STEAP1B: variants seen among roughly 807,000 people sequenced by gnomAD.
The protein encoded by STEAP1B is STEAP family protein MGC87042.
Under a neutral mutation model 27.9 loss-of-function variants are expected in STEAP1B, and 13 were observed. That is an observed-to-expected ratio of 0.47 (90% CI 0.30 to 0.74). The LOEUF (loss-of-function observed/expected upper bound fraction) is 0.74. STEAP1B is among the 30% of genes least tolerant of loss of function. The pLI, the probability that STEAP1B is intolerant of heterozygous loss-of-function variation, is 0.06. For synonymous variants in STEAP1B, 86 were observed against 107.1 expected (o/e 0.80, Z 1.22); for missense variants, 250 against 298.7 (o/e 0.84, Z 1.20).
intron 4 of STEAP1B, among the ~76,000 whole-genome samples, chr7:22,457,560 G>A (rs1176829875): frequency 1.3e-5 from 2 of 152,234 alleles, no homozygotes; most frequent in Non-Finnish European, 2.9e-5. Flanking sequence ...GGCTTCACTA[G>A]TGGGTCAGCC....
intron 4 of STEAP1B, among the ~76,000 whole-genome samples, chr7:22,473,922 C>T (rs1323674239): frequency 6.6e-6 from 1 of 152,136 alleles, no homozygotes; most frequent in East Asian, 1.9e-4. Flanking sequence ...TGACTAGTGC[C>T]CATCCCCGAG....
chr7:22,494,400 C>CA (rs1319303484), intron 2 of STEAP1B, among the ~76,000 whole-genome samples: 1 of 149,546 alleles, frequency 6.7e-6, no homozygotes, highest in Non-Finnish European at 1.5e-5. Flanking sequence ...TGCTTGCTTA[C>CA]AAAATTACTG....
At chr7:22,424,643 A>G (rs1785084022) in intron 4 of STEAP1B, among the ~76,000 whole-genome samples, 1 of 152,178 alleles carries the variant, frequency 6.6e-6, no homozygotes, top group Non-Finnish European at 1.5e-5. Flanking sequence ...AAATAATTCC[A>G]CTAGCTTAAG....
chr7:22,463,994 G>C (rs1785726679), intron 4 of STEAP1B, among the ~76,000 whole-genome samples: 1 of 151,868 alleles, frequency 6.6e-6, no homozygotes, highest in Non-Finnish European at 1.5e-5. Flanking sequence ...CACAGCAAAA[G>C]AAACTACCAT....
chr7:22,423,662 T>C lies in STEAP1B; in HGVS notation c.763-3826A>G, dbSNP rs529094479. The stretch of plus-strand genomic sequence containing the variant: ...ATGAGGTTTTTTTGGAAGGGGGTGA[T>C]AAAAATGTTTTAAAGTTAGATTGTG... On this transcript the variant is annotated intron_variant, in intron 4 of 4. Coordinates refer to ENST00000678116, the MANE Select transcript of STEAP1B (RefSeq NM_001382447.1). Among the ~76,000 whole-genome samples, 96 of 152,300 alleles carry C rather than the reference T, an allele frequency of 6.3e-4. 1 individual carries two copies. The highest frequency in any genetic ancestry group is 1.8e-3 in the African/African-American group (73 of 41,564).
chr7:22,430,078 G>A (rs1022540842), intron 4 of STEAP1B, among the ~76,000 whole-genome samples: 2 of 152,188 alleles, frequency 1.3e-5, no homozygotes, highest in African/African-American at 4.8e-5. Flanking sequence ...TTCTTAAACT[G>A]GTTGTGGATA....
At chr7:22,491,763 G>T (rs1429580407) in intron 4 of STEAP1B, among the ~76,000 whole-genome samples, 1 of 152,050 alleles carries the variant, frequency 6.6e-6, no homozygotes, top group Non-Finnish European at 1.5e-5. Flanking sequence ...AAGGACTAAG[G>T]ACTTACCTTT....
At chr7:22,441,085 A>G in intron 4 of STEAP1B, among the ~76,000 whole-genome samples, 1 of 151,702 alleles carries the variant, frequency 6.6e-6, no homozygotes, top group African/African-American at 2.4e-5. Flanking sequence ...ATCTTTAAAA[A>G]GAGTTTTATT....
intron 4 of STEAP1B, among the ~76,000 whole-genome samples, chr7:22,471,610 A>C (rs1419116321): frequency 1.3e-5 from 2 of 152,206 alleles, no homozygotes; most frequent in Non-Finnish European, 2.9e-5. Flanking sequence ...TGATTAACAG[A>C]AATTGTTTTC....
chr7:22,492,110 GGAGATC>G (rs2128417451), intron 4 of STEAP1B, among the ~76,000 whole-genome samples: 1 of 151,884 alleles, frequency 6.6e-6, no homozygotes, highest in South Asian at 2.1e-4. Context: ...TCACAAGTCA[GGAGATC>G]GAGACCATCC....
At chr7:22,464,973 A>ATATATAT (rs1785751120) in intron 4 of STEAP1B, among the ~76,000 whole-genome samples, 1 of 132,642 alleles carries the variant, frequency 7.5e-6, no homozygotes. Flanking sequence ...ATGTAGGCAC[A>ATATATAT]ATAAGAGATT....
intron 4 of STEAP1B, among the ~76,000 whole-genome samples, chr7:22,447,274 A>C (rs1403421117): frequency 6.6e-6 from 1 of 152,200 alleles, no homozygotes; most frequent in African/African-American, 2.4e-5. Context: ...ATTGCTTATT[A>C]AATGCCAGGC....
chr7:22,448,230 C>T (rs770376727), intron 4 of STEAP1B, among the ~76,000 whole-genome samples: 1 of 152,104 alleles, frequency 6.6e-6, no homozygotes, highest in African/African-American at 2.4e-5. Flanking sequence ...AATTATGGCA[C>T]GTAGTCAATA....
At chr7:22,419,886 C>T in intron 4 of STEAP1B, 50 bp from the exon 5 acceptor site, 1 of 1,521,970 alleles carries the variant, frequency 6.6e-7, no homozygotes. Context: ...TAGTGACTAT[C>T]ACTATATTAA....
intron 4 of STEAP1B, among the ~76,000 whole-genome samples, chr7:22,429,912 C>CA (rs550380329): frequency 1.0e-4 from 15 of 149,584 alleles, no homozygotes; most frequent in South Asian, 4.3e-4. Flanking sequence ...TAAAACCTTA[C>CA]AAAAAAAAAT....
At chr7:22,480,719 C>T (rs1375960130) in intron 4 of STEAP1B, among the ~76,000 whole-genome samples, 7 of 152,146 alleles carry the variant, frequency 4.6e-5, no homozygotes. Context: ...TTAGGTGCAG[C>T]GGGTTTGTTG....
Position 22,440,745 on chromosome 7 carries a change from T to G in STEAP1B, c.763-20909A>C, listed in dbSNP as rs151288956. On this transcript the variant is annotated intron_variant, in intron 4 of 4. Transcript: ENST00000678116. The stretch of plus-strand genomic sequence containing the variant: ...TTCAGAATGTGGCTTAGAAAAGGAA[T>G]TTAAAAAATAGAAAAATTAAAAGCA... 1.5e-3 allele frequency among the ~76,000 whole-genome samples: 222 copies of G among 152,130 alleles called. 4 individuals carry two copies. In the East Asian group the frequency reaches 0.023, roughly 16 times the overall value.
At position 22,493,201 on chromosome 7, in the gene STEAP1B, T is replaced by C. The variant is rs185818460; in HGVS notation, c.597+123A>G. 51 of 1,211,550 alleles carry C rather than the reference T, an allele frequency of 4.2e-5. No individual in the cohort carries two copies. The African/African-American group carries it at 6.3e-4, about 15-fold the overall frequency. The allele number at this position is 1,211,550 out of a possible 1,614,324, so 75.0% of individuals were successfully genotyped here. ...TGTAATTATAAGAAAAATTTTAAAA[T>C]AGATGACTTTTTCAACACAGAGTTT... On this transcript the variant is annotated intron_variant, in intron 3 of 4. Coordinates refer to ENST00000678116, the MANE Select transcript of STEAP1B (RefSeq NM_001382447.1).
intron 4 of STEAP1B, among the ~76,000 whole-genome samples, chr7:22,475,587 C>T (rs1785956740): frequency 6.6e-6 from 1 of 152,234 alleles, no homozygotes; most frequent in Non-Finnish European, 1.5e-5. Context: ...CCAGGCTGGT[C>T]TCAAACTCCT....
Sources: allele counts gnomAD v4.1 joint callset (sites outside exome capture counted in the v4.1 genomes callset), GRCh38; gene constraint gnomAD v4.1.1; transcripts MANE v1.5; gene names NCBI Gene and HGNC (gene_info 2026-07-23, HGNC 2026-07-21).